The following FAM3D variants were observed in gnomAD, a reference collection of about 807,000 sequenced individuals.
FAM3D encodes FAM3 metabolism regulating signaling molecule D.
FAM3D carries 26 observed loss-of-function variants against 29.8 expected under a neutral mutation model. That is an observed-to-expected ratio of 0.87 (90% CI 0.64 to 1.21). The LOEUF is 1.21. FAM3D is among the 50% of genes most tolerant of loss of function. The pLI, the probability that FAM3D is intolerant of heterozygous loss-of-function variation, is 0.00. For missense variants in FAM3D, 253 were observed against 290.9 expected (o/e 0.87, Z 0.95); for synonymous variants, 115 against 102.3 (o/e 1.12, Z -0.75).
intron 5 of FAM3D, 138 bp from the exon 6 acceptor site, chr3:58,643,858 A>G (rs2066404609): frequency 1.4e-5 from 11 of 774,024 alleles, no homozygotes; most frequent in South Asian, 7.5e-5. Context: ...AACTGGGGCC[A>G]TCTGTTTTCT....
chr3:58,646,279 C>T lies in FAM3D; in HGVS notation c.146-653G>A, dbSNP rs369294958. Among the ~76,000 whole-genome samples the T allele has an allele frequency of 6.4e-4, 97 of 152,322 alleles. 1 individual carries two copies. Among genetic ancestry groups the T allele is most frequent in the African/African-American group, 2.2e-3 (90 of 41,570 alleles). ...ACAACAGAGAACAGGCAGACGGTTC[C>T]GGTTCTCCCACTGGGAGCTCAGCAC... On this transcript the variant is annotated intron_variant, in intron 4 of 9. Transcript: ENST00000358781.
Position 58,637,149 on chromosome 3 carries a change from T to G in FAM3D, c.450A>C (p.Pro150=). ...TAGAGTTTTCTACTTACTTGGTCCC[T>G]GGATCGTCGTAGGAGGCCACCAGCA... ...ALVLVASYDD[P]GTKMNDESRK... Residue 150 remains proline, a synonymous_variant, in exon 8 of 10, where the codon CCA becomes CCC. Coordinates refer to ENST00000358781, the MANE Select transcript of FAM3D (RefSeq NM_138805.3). 6.2e-7 allele frequency: 1 copy of G among 1,613,926 alleles called. No individual in the cohort carries two copies. The highest frequency in any genetic ancestry group is 1.1e-5 in the South Asian group (1 of 90,992).
chr3:58,642,677 G>A (rs1352978951), intron 6 of FAM3D, among the ~76,000 whole-genome samples: 1 of 152,134 alleles, frequency 6.6e-6, no homozygotes, highest in Non-Finnish European at 1.5e-5. Flanking sequence ...TTAAGTGTGT[G>A]TCCTGCAGGA....
At chr3:58,653,387 C>T (rs938262883) in intron 3 of FAM3D, among the ~76,000 whole-genome samples, 41 of 152,194 alleles carry the variant, frequency 2.7e-4, no homozygotes, top group African/African-American at 9.2e-4. Flanking sequence ...GTTCTTCCTC[C>T]CTCTGTCCTT....
chr3:58,642,994 A>G (rs536862096), intron 6 of FAM3D, among the ~76,000 whole-genome samples: 94 of 151,524 alleles, frequency 6.2e-4, no homozygotes, highest in African/African-American at 1.5e-3. Flanking sequence ...GCCTTCCCCA[A>G]TTTTCTCCTG....
rs1313282851 is a variant in FAM3D, at chr3:58,634,839, C to T, written c.586-471G>A. On this transcript the variant is annotated intron_variant, in intron 9 of 9. Coordinates refer to ENST00000358781, the MANE Select transcript of FAM3D (RefSeq NM_138805.3). This position sits in a 1 kb window ranked among gnomAD's most constrained non-coding sequence, Gnocchi z 4.6. ...CACAGAGGGTCACTGCCCGTAGTCA[C>T]TGGCTGGTAAGTGGCAGAACCACCA... is the stretch of plus-strand genomic sequence containing the variant. Among the ~76,000 whole-genome samples, 1 of 152,110 alleles carries T rather than the reference C, an allele frequency of 6.6e-6. No homozygotes were observed. The highest frequency in any genetic ancestry group is 1.5e-5 in the Non-Finnish European group (1 of 68,020).
chr3:58,657,446 C>T (rs1433783262), intron 1 of FAM3D: 1 of 152,272 alleles, frequency 6.6e-6, no homozygotes, highest in Non-Finnish European at 1.5e-5. Context: ...AATATGCGCA[C>T]ACACAGATTC....
At chr3:58,653,616 G>A in intron 3 of FAM3D, 58 bp downstream of exon 3, 8 of 1,494,502 alleles carry the variant, frequency 5.4e-6, no homozygotes, top group Non-Finnish European at 7.4e-6. Context: ...GGAAGAATAT[G>A]TCTTCGGCCC....
At chr3:58,658,439 T>C (rs909323523) in intron 1 of FAM3D, among the ~76,000 whole-genome samples, 4 of 152,168 alleles carry the variant, frequency 2.6e-5, no homozygotes, top group African/African-American at 7.2e-5. Flanking sequence ...TTGGGGGAGA[T>C]AGGGCTGTGA....
At chr3:58,647,767 C>T (rs1198084724) in intron 4 of FAM3D, among the ~76,000 whole-genome samples, 1 of 152,184 alleles carries the variant, frequency 6.6e-6, no homozygotes, top group African/African-American at 2.4e-5. Context: ...CCCTGAGGCC[C>T]AACCCCCCCG....
intron 6 of FAM3D, 121 bp downstream of exon 6, chr3:58,643,541 T>A (rs2066393406): frequency 9.2e-7 from 1 of 1,086,868 alleles, no homozygotes; most frequent in Non-Finnish European, 1.4e-6. Flanking sequence ...CCTCCTGAGC[T>A]CTACGGGCAT....
At chr3:58,665,903 G>T in intron 1 of FAM3D, among the ~76,000 whole-genome samples, 1 of 152,194 alleles carries the variant, frequency 6.6e-6, no homozygotes, top group African/African-American at 2.4e-5. Flanking sequence ...GAACTTCAGC[G>T]ATTGATGGGG....
chr3:58,640,666 T>C (rs1049328813), intron 6 of FAM3D, among the ~76,000 whole-genome samples: 1 of 152,278 alleles, frequency 6.6e-6, no homozygotes, highest in Non-Finnish European at 1.5e-5. Context: ...TGTGTTGGGC[T>C]AAGCGGTACT....
At chr3:58,641,803 A>G (rs933069481) in intron 6 of FAM3D, among the ~76,000 whole-genome samples, 1 of 152,192 alleles carries the variant, frequency 6.6e-6, no homozygotes, top group Non-Finnish European at 1.5e-5. Context: ...ATTGCCATTG[A>G]TGGTTATTTT....
chr3:58,656,040 T>C lies in FAM3D; in HGVS notation c.-38-439A>G, dbSNP rs192112990. On this transcript the variant is annotated intron_variant, in intron 1 of 9. Coordinates refer to ENST00000358781, the MANE Select transcript of FAM3D (RefSeq NM_138805.3). ...TCCATCTGTCTATCCTCTATCTACCTGTCCATCCATCCTTTCAGCTGTCTA... is the reference window on the plus strand; with the variant it reads ...TCCATCTGTCTATCCTCTATCTACCCGTCCATCCATCCTTTCAGCTGTCTA... Among the ~76,000 whole-genome samples, 428 of 152,216 alleles carry C rather than the reference T, an allele frequency of 2.8e-3. 2 individuals carry two copies. The highest frequency in any genetic ancestry group is 0.01 in the African/African-American group (416 of 41,526).
chr3:58,639,544 T>C (rs1416547151), intron 7 of FAM3D, among the ~76,000 whole-genome samples: 1 of 152,148 alleles, frequency 6.6e-6, no homozygotes, highest in Non-Finnish European at 1.5e-5. Context: ...TGTCCTCAGC[T>C]CTATCCTGTA....
intron 3 of FAM3D, among the ~76,000 whole-genome samples, chr3:58,651,634 C>T (rs2066639989): frequency 6.6e-6 from 1 of 152,094 alleles, no homozygotes; most frequent in Non-Finnish European, 1.5e-5. Context: ...CTTGTCAAAC[C>T]CCAGGTAGTT....
intron 7 of FAM3D, among the ~76,000 whole-genome samples, chr3:58,639,697 G>A (rs1465473394): frequency 6.6e-6 from 1 of 152,176 alleles, no homozygotes; most frequent in Non-Finnish European, 1.5e-5. Flanking sequence ...TGGGGGTGGG[G>A]CACACCTGGT....
At chr3:58,643,284 T>C (rs538794893) in intron 6 of FAM3D, among the ~76,000 whole-genome samples, 3 of 152,364 alleles carry the variant, frequency 2.0e-5, no homozygotes, top group African/African-American at 7.2e-5. Flanking sequence ...CCTGTATTTG[T>C]TGAATGAATG....
Sources: gnomAD v4.1 joint callset for allele counts (sites outside exome capture counted in the v4.1 genomes callset) on GRCh38, gnomAD v4.1.1 for gene constraint, Gnocchi (gnomAD v3.1) non-coding constraint, MANE v1.5 for transcripts, NCBI Gene and HGNC (gene_info 2026-07-23, HGNC 2026-07-21) for gene names.